Variants in CD300LB observed in about 807,000 individuals in gnomAD.
CD300LB encodes the protein CMRF35-like molecule 7.
Under a neutral mutation model 20.8 loss-of-function variants are expected in CD300LB, and 18 were observed. The ratio of observed to expected loss-of-function variants is 0.87; its 90% confidence interval spans 0.60 to 1.28. The LOEUF is 1.28. Among genes scored for constraint, CD300LB ranks in the 50% most tolerant of loss-of-function variants. The pLI, the probability that CD300LB is intolerant of heterozygous loss-of-function variation, is 0.00. For missense variants in CD300LB, 222 were observed against 251.8 expected (o/e 0.88, Z 0.80); for synonymous variants, 91 against 91.3 (o/e 1.00, Z 0.02).
intron 2 of CD300LB, 66 bp from the exon 3 acceptor site, chr17:74,523,717 G>A: frequency 4.7e-6 from 5 of 1,062,062 alleles, no homozygotes; most frequent in Non-Finnish European, 7.4e-6. Flanking sequence ...GGGTCACAAA[G>A]CCACGCGACC....
At chr17:74,528,634 GT>G (rs60203034) in intron 1 of CD300LB, among the ~76,000 whole-genome samples, 2,166 of 148,900 alleles carry the variant, frequency 0.015, 52 homozygotes, top group African/African-American at 0.049. Context: ...ATGCTCCTCA[GT>G]TTTTTTTTTT....
In CD300LB at chr17:74,525,944, G is replaced by A. The variant is rs1235012491; in HGVS notation, c.174C>T (p.Cys58=). ...ACCCTCTGGTTTCAATGAGGATCTT[G>A]CATGTATCCCAGCGCACCCCTCGGC... ...WWCRGVRWDT[C]KILIETRGSE... is the part of the protein sequence containing the mutation. The change falls in exon 2 of 4, where the codon TGC becomes TGT. Residue 58 remains cysteine, a synonymous_variant. Transcript: ENST00000392621. 6.2e-7 allele frequency: 1 copy of A among 1,614,102 alleles called. No homozygotes were observed. Among genetic ancestry groups the A allele is most frequent in the Admixed American group, 1.7e-5 (1 of 60,006 alleles).
intron 2 of CD300LB, 102 bp downstream of exon 2, chr17:74,525,646 T>TCAC: frequency 1.0e-6 from 1 of 968,442 alleles, no homozygotes; most frequent in Non-Finnish European, 1.6e-6. Flanking sequence ...TCTCTTAGGC[T>TCAC]CACCATCATT....
In CD300LB at chr17:74,522,849, C is replaced by T; in HGVS notation, c.495G>A (p.Leu165=). ...CCTTCAACCAGAGGATGGCAGTGAC[C>T]AAGATGAGCAAGATGGGCACCTTCA... ...VFVKVPILLI[L]VTAILWLKGS... The change falls in exon 4 of 4, where the codon TTG becomes TTA. Residue 165 remains leucine, a synonymous_variant. Coordinates refer to ENST00000392621, the MANE Select transcript of CD300LB (RefSeq NM_174892.4). The T allele has an allele frequency of 3.1e-6, 5 of 1,613,994 alleles. No homozygotes were observed. Among genetic ancestry groups the T allele is most frequent in the Non-Finnish European group, 4.2e-6 (5 of 1,180,000 alleles).
At chr17:74,530,360 G>C (rs1908166352) in intron 1 of CD300LB, among the ~76,000 whole-genome samples, 1 of 152,128 alleles carries the variant, frequency 6.6e-6, no homozygotes, top group South Asian at 2.1e-4. Flanking sequence ...TTCCACCTGG[G>C]TTCTTGAGAA....
intron 2 of CD300LB, among the ~76,000 whole-genome samples, chr17:74,524,390 A>G (rs1228970049): frequency 6.6e-6 from 1 of 152,112 alleles, no homozygotes; most frequent in Non-Finnish European, 1.5e-5. Context: ...GGAGTTTGAA[A>G]CCAGCCTGGG....
At chr17:74,524,501 T>C (rs1479428355) in intron 2 of CD300LB, among the ~76,000 whole-genome samples, 1 of 152,096 alleles carries the variant, frequency 6.6e-6, no homozygotes, top group East Asian at 1.9e-4. Context: ...AGTGGAAGGA[T>C]TGATTGAGCC....
intron 3 of CD300LB, 103 bp from the exon 4 acceptor site, chr17:74,523,003 C>A: frequency 4.5e-6 from 5 of 1,106,656 alleles, no homozygotes; most frequent in Non-Finnish European, 6.4e-6. Context: ...TGACCCTGGG[C>A]CGGGCAGCCC....
intron 1 of CD300LB, among the ~76,000 whole-genome samples, chr17:74,530,809 C>CT (rs987058842): frequency 4.0e-5 from 5 of 124,748 alleles, no homozygotes; most frequent in Non-Finnish European, 9.8e-5. Flanking sequence ...AGTCTTTTTA[C>CT]TTTATTTTTT....
chr17:74,529,173 G>A (rs1481246228), intron 1 of CD300LB, among the ~76,000 whole-genome samples: 2 of 152,112 alleles, frequency 1.3e-5, no homozygotes, highest in African/African-American at 2.4e-5. Context: ...AGACTTGGAT[G>A]TATGTCCAAC....
chr17:74,522,540 T>C lies in CD300LB; in HGVS notation c.*198A>G, dbSNP rs558655931. On this transcript the variant is annotated 3_prime_UTR_variant, in exon 4 of 4. Coordinates refer to ENST00000392621, the MANE Select transcript of CD300LB (RefSeq NM_174892.4). ...CAGGTGCTGGCACCCCAGGAGGTGA[T>C]GGTGGCTCAGGAGAGGACCTGGCTA... 32 of 1,362,342 alleles carry C rather than the reference T, an allele frequency of 2.3e-5. No individual in the cohort carries two copies. The highest frequency in any genetic ancestry group is 3.2e-5 in the Admixed American group (1 of 31,318). The allele number at this position is 1,362,342 out of a possible 1,614,324, so 84.4% of individuals were successfully genotyped here.
At position 74,526,036 on chromosome 17, in the gene CD300LB, C is replaced by G. The variant is rs954847095; in HGVS notation, c.82G>C (p.Glu28Gln). 2.1e-5 allele frequency: 34 copies of G among 1,614,002 alleles called. No homozygotes were observed. The highest frequency in any genetic ancestry group is 2.9e-5 in the Non-Finnish European group (34 of 1,179,966). The change falls in exon 2 of 4, where the codon GAG becomes CAG. Residue 28 changes from glutamate to glutamine, a missense_variant. Glu to Gln is a conservative substitution (Grantham distance 29, BLOSUM62 2). Coordinates refer to ENST00000392621, the MANE Select transcript of CD300LB (RefSeq NM_174892.4). ...CATTGAACCGTCAGGGACCCCTGCT[C>G]TGGGGCTCTCACAGACTCTGGGCCT... ...IQGPESVRAP[E>Q]QGSLTVQCHY...
chr17:74,523,581 C>T lies in CD300LB; in HGVS notation c.441G>A (p.Lys147=). The T allele has an allele frequency of 6.2e-7, 1 of 1,610,788 alleles. No individual in the cohort carries two copies. The highest frequency in any genetic ancestry group is 8.5e-7 in the Non-Finnish European group (1 of 1,176,936). ...GGAGAAAGAACCACATGACTCACCT[C>T]TTGTGGGAGCCGATGAACACTGCCA... The part of the protein sequence containing the change: ...SNMAVFIGSH[K]RNHYMLLVFV... The change falls in exon 3 of 4, where the codon AAG becomes AAA. Residue 147 remains lysine (K), a splice_region_variant and synonymous_variant. Coordinates refer to ENST00000392621, the MANE Select transcript of CD300LB (RefSeq NM_174892.4).
chr17:74,531,225 T>A lies in CD300LB; in HGVS notation c.40+86A>T. 4 of 1,419,374 alleles carry A rather than the reference T, an allele frequency of 2.8e-6. No homozygotes were observed. The South Asian group carries it at 4.5e-5, about 16-fold the overall frequency. 87.9% of individuals were successfully genotyped at this position (1,419,374 alleles called of 1,614,324 possible). A position where few individuals can be genotyped will look rare whatever the true frequency, so the allele number is the denominator to read the frequency against. On this transcript the variant is annotated intron_variant, in intron 1 of 3. Coordinates refer to ENST00000392621, the MANE Select transcript of CD300LB (RefSeq NM_174892.4). The stretch of plus-strand genomic sequence containing the variant: ...AATGACTTCACAAAGCCACCTCTCA[T>A]TTCCCTGGATGTGGAAGGACAAATG...
rs1236427879 is a variant in CD300LB at position 74,522,411 on chromosome 17, C to T, written c.*327G>A. ...GGGCTGGGGGGGTCTCCCCCAACCT[C>T]TTTCTGTACTTTGGTCCCATGCTCT... On this transcript the variant is annotated 3_prime_UTR_variant, in exon 4 of 4. Transcript: ENST00000392621. 2 of 1,049,980 alleles carry T rather than the reference C, an allele frequency of 1.9e-6. No individual in the cohort carries two copies. Among genetic ancestry groups the T allele is most frequent in the African/African-American group, 1.7e-5 (1 of 59,642 alleles). The allele number at this position is 1,049,980 out of a possible 1,614,324, so 65.0% of individuals were successfully genotyped here.
At position 74,522,013 on chromosome 17, in the gene CD300LB, T is replaced by G. The variant is rs1423327821; in HGVS notation, c.*725A>C. The G allele has an allele frequency of 1.0e-6, 1 of 985,326 alleles. No individual in the cohort carries two copies. Among genetic ancestry groups the G allele is most frequent in the Non-Finnish European group, 1.2e-6 (1 of 829,954 alleles). The allele number at this position is 985,326 out of a possible 1,614,324, so 61.0% of individuals were successfully genotyped here. On this transcript the variant is annotated 3_prime_UTR_variant, in exon 4 of 4. Coordinates refer to ENST00000392621, the MANE Select transcript of CD300LB (RefSeq NM_174892.4). Reference sequence around the variant, plus strand: ...GGGGAGGAGACCCAAGCTGTCATGCTGAGGAGGCTCCCAAGCTGCAGCCCC... The same window carrying G: ...GGGGAGGAGACCCAAGCTGTCATGCGGAGGAGGCTCCCAAGCTGCAGCCCC...
Position 74,523,644 on chromosome 17 carries a change from C to T in CD300LB, c.378G>A (p.Ala126=), listed in dbSNP as rs1023360659. The T allele has an allele frequency of 1.3e-5, 21 of 1,612,440 alleles. No homozygotes were observed. The highest frequency in any genetic ancestry group is 4.0e-5 in the African/African-American group (3 of 74,838). ...TAGGTGAGCTTGCTGTTGTGGAAGCCGCTCCCTCTAGACACAGGCAAAGTC... is the reference window on the plus strand; with the variant it reads ...TAGGTGAGCTTGCTGTTGTGGAAGCTGCTCCCTCTAGACACAGGCAAAGTC... ...QVKVIVDPEG[A]ASTTASSPTN... is the part of the protein sequence containing the mutation. The change falls in exon 3 of 4, where the codon GCG becomes GCA. Residue 126 remains alanine, a synonymous_variant. Coordinates refer to ENST00000392621, the MANE Select transcript of CD300LB (RefSeq NM_174892.4).
intron 3 of CD300LB, 138 bp downstream of exon 3, chr17:74,523,441 G>A: frequency 1.4e-6 from 1 of 692,758 alleles, no homozygotes. Context: ...GGGCAGGAGA[G>A]AGATGGAGGG....
In CD300LB at chr17:74,522,323, C is replaced by G; in HGVS notation, c.*415G>C. On this transcript the variant is annotated 3_prime_UTR_variant, in exon 4 of 4. Transcript: ENST00000392621. ...CTAGAAAAAAAAAAATTTAAAAACACGGATATATCAGGTTCTCAGGCAAAG... is the reference window on the plus strand; with the variant it reads ...CTAGAAAAAAAAAAATTTAAAAACAGGGATATATCAGGTTCTCAGGCAAAG... The G allele has an allele frequency of 2.0e-6, 2 of 989,986 alleles. No individual in the cohort carries two copies. The highest frequency in any genetic ancestry group is 2.4e-6 in the Non-Finnish European group (2 of 832,958). 61.3% of individuals were successfully genotyped at this position (989,986 alleles called of 1,614,324 possible).
Sources: gnomAD v4.1 joint callset for allele counts (sites outside exome capture counted in the v4.1 genomes callset) on GRCh38, gnomAD v4.1.1 for gene constraint, MANE v1.5 for transcripts, NCBI Gene and HGNC (gene_info 2026-07-23, HGNC 2026-07-21) for gene names.